SESN3: variants seen among roughly 807,000 people sequenced by gnomAD.
The protein encoded by SESN3 is sestrin 3.
In SESN3, 21 loss-of-function variants were observed where a neutral mutation model predicts 55.3. The observed-to-expected ratio is 0.38, with a 90% confidence interval of 0.27 to 0.55. The LOEUF (loss-of-function observed/expected upper bound fraction) is 0.55. Ranked by LOEUF, SESN3 falls within the 20% of genes least tolerant of loss-of-function variation. The probability of loss-of-function intolerance (pLI) is 0.76; values close to 1 mark genes in which losing one functional copy is unlikely to be tolerated. For synonymous variants in SESN3, 181 were observed against 203.1 expected, an observed-to-expected ratio of 0.89 and a Z score of 0.93; for missense variants, 408 against 604.3, an observed-to-expected ratio of 0.68 and a Z score of 3.41.
At chr11:95,179,865 C>T (rs1285327728) in intron 6 of SESN3, among the ~76,000 whole-genome samples, 2 of 152,046 alleles carry the variant, frequency 1.3e-5, no homozygotes, top group Non-Finnish European at 2.9e-5. Context: ...AGGAAGATAG[C>T]AAGGCAATAA....
In SESN3 at chr11:95,185,370, T is replaced by C; in HGVS notation, c.648A>G (p.Arg216=). 1 of 1,613,034 alleles carries C rather than the reference T, an allele frequency of 6.2e-7. No homozygotes were observed. The highest frequency in any genetic ancestry group is 8.5e-7 in the Non-Finnish European group (1 of 1,179,196). The change falls in exon 5 of 10, where the codon AGA becomes AGG. Residue 216 remains arginine (R), a synonymous_variant. Transcript: ENST00000536441. Reference sequence around the variant, plus strand: ...TGAATCCATTGGAGATTTCTGGATCTCTCTCTGGATTGATACCACTACCAA... The same window carrying C: ...TGAATCCATTGGAGATTTCTGGATCCCTCTCTGGATTGATACCACTACCAA... ...FVFGSGINPE[R]DPEISNGFRL...
chr11:95,177,970 T>C, intron 7 of SESN3, 61 bp from the exon 8 acceptor site: 3 of 1,142,004 alleles, frequency 2.6e-6, no homozygotes, highest in Non-Finnish European at 3.7e-6. Context: ...TTCTATGTAT[T>C]ATTAAATATA....
At chr11:95,224,704 A>G (rs186074932) in intron 1 of SESN3, among the ~76,000 whole-genome samples, 84 of 152,338 alleles carry the variant, frequency 5.5e-4, no homozygotes, top group Non-Finnish European at 6.8e-4. Context: ...ATTTTCAAAA[A>G]TTCTAATTTT....
At chr11:95,191,186 CT>C (rs1198438807) in intron 3 of SESN3, among the ~76,000 whole-genome samples, 43 of 151,968 alleles carry the variant, frequency 2.8e-4, no homozygotes, top group African/African-American at 9.9e-4. Flanking sequence ...AATGATTTTA[CT>C]GAAAATTAAA....
At chr11:95,179,529 T>C (rs1043069754) in intron 6 of SESN3, among the ~76,000 whole-genome samples, 1 of 152,246 alleles carries the variant, frequency 6.6e-6, no homozygotes, top group East Asian at 1.9e-4. Flanking sequence ...AAGATAAACT[T>C]TGTTAAAATT....
chr11:95,179,543 T>C (rs1860022973), intron 6 of SESN3, among the ~76,000 whole-genome samples: 1 of 152,122 alleles, frequency 6.6e-6, no homozygotes. Context: ...TAAAATTACA[T>C]GGTGTTTCAT....
At chr11:95,191,257 G>C in intron 3 of SESN3, 147 bp downstream of exon 3, 1 of 654,518 alleles carries the variant, frequency 1.5e-6, no homozygotes, top group South Asian at 2.0e-5. Context: ...AAGACACTTG[G>C]TATCCAAAAG....
At chr11:95,177,535 A>G (rs1474050197) in intron 8 of SESN3, among the ~76,000 whole-genome samples, 184 bp downstream of exon 8, 1 of 152,144 alleles carries the variant, frequency 6.6e-6, no homozygotes, top group East Asian at 1.9e-4. Flanking sequence ...ATGTGCATCA[A>G]TGTTAAGATT....
intron 1 of SESN3, among the ~76,000 whole-genome samples, chr11:95,221,769 A>G (rs947100632): frequency 2.0e-5 from 3 of 152,352 alleles, no homozygotes; most frequent in Admixed American, 1.3e-4. Flanking sequence ...TATTTCAACC[A>G]GCCTAAATAG....
chr11:95,206,162 T>C (rs1860542774), intron 1 of SESN3, among the ~76,000 whole-genome samples: 2 of 152,074 alleles, frequency 1.3e-5, no homozygotes, highest in South Asian at 4.2e-4. Flanking sequence ...TGGTTTATCT[T>C]CTCTTTCACT....
chr11:95,175,918 C>G (rs1263123889), intron 8 of SESN3, among the ~76,000 whole-genome samples: 1 of 152,126 alleles, frequency 6.6e-6, no homozygotes, highest in Non-Finnish European at 1.5e-5. Context: ...ACATTGTAGT[C>G]AGATGGTGAT....
In SESN3 at chr11:95,170,197, C is replaced by T. The variant is rs2134205091; in HGVS notation, c.*3058G>A. ...TCGTCTGAAGAAGCCAGTGAGGCAC[C>T]TGCCTGGCTACTCCCATAGTCAGGT... On this transcript the variant is annotated 3_prime_UTR_variant, in exon 10 of 10. Transcript: ENST00000536441. 6.6e-6 allele frequency: 1 copy of T among 152,268 alleles called. No individual in the cohort carries two copies. Among genetic ancestry groups the T allele is most frequent in the Admixed American group, 6.5e-5 (1 of 15,286 alleles). The allele number at this position is 152,268 out of a possible 1,614,324, so 9.4% of individuals were successfully genotyped here. A position where few individuals can be genotyped will look rare whatever the true frequency, so the allele number is the denominator to read the frequency against.
intron 1 of SESN3, among the ~76,000 whole-genome samples, chr11:95,217,761 G>A (rs190552281): frequency 1.3e-4 from 20 of 151,862 alleles, no homozygotes; most frequent in African/African-American, 4.6e-4. Context: ...GGCTTGATCT[G>A]GGTATCATTA....
chr11:95,192,216 G>A (rs537148029), intron 2 of SESN3, among the ~76,000 whole-genome samples: 1 of 152,102 alleles, frequency 6.6e-6, no homozygotes, highest in African/African-American at 2.4e-5. Flanking sequence ...GCAAGTTATT[G>A]AAATGGACAT....
chr11:95,230,500 G>A lies in SESN3; in HGVS notation c.78+283C>T. ...GAGCCGACCCGGGGTAGCAAGGTAG[G>A]GAAATGAGCCGTAAAGGAGAGCAAA... is the stretch of plus-strand genomic sequence containing the variant. On this transcript the variant is annotated intron_variant, in intron 1 of 9. Coordinates refer to ENST00000536441, the MANE Select transcript of SESN3 (RefSeq NM_144665.4). The surrounding 1 kb of genome is among the most constrained non-coding windows in gnomAD (Gnocchi z 4.6). 1 of 387,010 alleles carries A rather than the reference G, an allele frequency of 2.6e-6. No homozygotes were observed. The highest frequency in any genetic ancestry group is 4.7e-6 in the Non-Finnish European group (1 of 214,822). The allele number at this position is 387,010 out of a possible 1,614,324, so 24.0% of individuals were successfully genotyped here. A position where few individuals can be genotyped will look rare whatever the true frequency, so the allele number is the denominator to read the frequency against.
chr11:95,184,377 G>A (rs1565464635), intron 6 of SESN3, 43 bp downstream of exon 6: 1 of 1,556,064 alleles, frequency 6.4e-7, no homozygotes, highest in East Asian at 2.3e-5. Context: ...GCCCTGTCAG[G>A]GTTCTAAGAA....
At position 95,168,518 on chromosome 11, in the gene SESN3, A is replaced by G. The variant is rs902367427; in HGVS notation, c.*4737T>C. Reference sequence around the variant, plus strand: ...GAACAACAGTGAGTGAATCCATGAAAAGGTTGGATACTCTGAATTTATAGG... The same window carrying G: ...GAACAACAGTGAGTGAATCCATGAAGAGGTTGGATACTCTGAATTTATAGG... On this transcript the variant is annotated 3_prime_UTR_variant, in exon 10 of 10. Transcript: ENST00000536441. The G allele has an allele frequency of 3.9e-5, 6 of 152,194 alleles. No individual in the cohort carries two copies. Among genetic ancestry groups the G allele is most frequent in the African/African-American group, 1.4e-4 (6 of 41,448 alleles). 9.4% of individuals were successfully genotyped at this position (152,194 alleles called of 1,614,324 possible).
At chr11:95,206,839 A>C (rs1242484592) in intron 1 of SESN3, among the ~76,000 whole-genome samples, 2 of 151,862 alleles carry the variant, frequency 1.3e-5, no homozygotes, top group African/African-American at 4.8e-5. Flanking sequence ...TCTGTTGCCC[A>C]GGCTGAAGTA....
chr11:95,185,191 T>C lies in SESN3; in HGVS notation c.762+65A>G. The stretch of plus-strand genomic sequence containing the variant: ...TATCTAATTGGAGAAAAATTCTCTC[T>C]AGATATTTTTAATATTAGAAGTTTA... On this transcript the variant is annotated intron_variant, in intron 5 of 9. Coordinates refer to ENST00000536441, the MANE Select transcript of SESN3 (RefSeq NM_144665.4). The C allele has an allele frequency of 4.4e-6, 4 of 899,532 alleles. No homozygotes were observed. The South Asian group carries it at 6.0e-5, about 14-fold the overall frequency. The allele number at this position is 899,532 out of a possible 1,614,324, so 55.7% of individuals were successfully genotyped here. A position where few individuals can be genotyped will look rare whatever the true frequency, so the allele number is the denominator to read the frequency against.
Sources: gnomAD v4.1 joint callset for allele counts (sites outside exome capture counted in the v4.1 genomes callset) on GRCh38, gnomAD v4.1.1 for gene constraint, Gnocchi (gnomAD v3.1) non-coding constraint, MANE v1.5 for transcripts, NCBI Gene and HGNC (gene_info 2026-07-23, HGNC 2026-07-21) for gene names.